The following IFT81 variants were observed in gnomAD, a reference collection of about 807,000 sequenced individuals.
IFT81 encodes intraflagellar transport protein 81 homolog.
Under a neutral mutation model 102.6 loss-of-function variants are expected in IFT81, and 72 were observed. The ratio of observed to expected loss-of-function variants is 0.70; its 90% CI spans 0.58 to 0.85. IFT81 has a LOEUF of 0.85. IFT81 is among the 40% of genes least tolerant of loss of function. The probability of loss-of-function intolerance (pLI) is 0.00; values close to 1 mark genes in which losing one functional copy is unlikely to be tolerated. For synonymous variants in IFT81, 237 were observed against 242.7 expected (o/e 0.98, Z 0.22); for missense variants, 723 against 787.3 (o/e 0.92, Z 0.98).
chr12:110,210,754 A>G (rs939504034), intron 18 of IFT81, among the ~76,000 whole-genome samples: 4 of 151,892 alleles, frequency 2.6e-5, no homozygotes, highest in African/African-American at 9.7e-5. Context: ...TCCTACCACT[A>G]TCATACCAAA....
intron 9 of IFT81, among the ~76,000 whole-genome samples, chr12:110,146,643 C>T (rs1009060854): frequency 6.6e-6 from 1 of 152,104 alleles, no homozygotes; most frequent in East Asian, 1.9e-4. Context: ...ATTAATGAAA[C>T]TGTTTTGCCC....
chr12:110,205,240 T>G lies in IFT81; in HGVS notation c.1645-203T>G, dbSNP rs1868463477. ...CAGAGTGAGACTCTGTCTCAAAAAA[T>G]ACAATTGAACTTGCAGGTTATAGAG... On this transcript the variant is annotated intron_variant, in intron 15 of 18. Coordinates refer to ENST00000242591, the MANE Select transcript of IFT81 (RefSeq NM_014055.4). The G allele has an allele frequency of 7.1e-6, 3 of 420,100 alleles. No individual in the cohort carries two copies. The South Asian group carries it at 1.2e-4, about 17-fold the overall frequency. 26.0% of individuals were successfully genotyped at this position (420,100 alleles called of 1,614,324 possible).
At chr12:110,127,154 G>A (rs770770878) in intron 1 of IFT81, among the ~76,000 whole-genome samples, 21 of 152,190 alleles carry the variant, frequency 1.4e-4, no homozygotes, top group Non-Finnish European at 1.9e-4. Flanking sequence ...AGCATTTGAT[G>A]TTAAAATTAA....
chr12:110,188,800 G>A (rs944820770), intron 12 of IFT81, among the ~76,000 whole-genome samples: 64 of 151,022 alleles, frequency 4.2e-4, no homozygotes, highest in Non-Finnish European at 7.7e-4. Flanking sequence ...ATAGTGGCAC[G>A]CGCCTGTAAT....
chr12:110,200,225 A>G (rs1008638368), intron 14 of IFT81, among the ~76,000 whole-genome samples: 1 of 152,222 alleles, frequency 6.6e-6, no homozygotes, highest in Admixed American at 6.5e-5. Context: ...GAGTGATTTC[A>G]TCATTGTGCA....
chr12:110,218,400 C>G lies in IFT81; in HGVS notation c.*174C>G. The stretch of plus-strand genomic sequence containing the variant: ...GGTAGATTTAGTTTGAATGTTTTTT[C>G]ATATGAAAAAGAGGCTTTTATTCTT... On this transcript the variant is annotated 3_prime_UTR_variant, in exon 19 of 19. Coordinates refer to ENST00000242591, the MANE Select transcript of IFT81 (RefSeq NM_014055.4). 2.1e-6 allele frequency: 1 copy of G among 471,468 alleles called. No individual in the cohort carries two copies. The highest frequency in any genetic ancestry group is 3.6e-6 in the Non-Finnish European group (1 of 277,116). 29.2% of individuals were successfully genotyped at this position (471,468 alleles called of 1,614,324 possible).
intron 11 of IFT81, among the ~76,000 whole-genome samples, chr12:110,179,710 A>G (rs1395062145): frequency 2.3e-5 from 3 of 128,804 alleles, no homozygotes; most frequent in South Asian, 5.1e-4. Flanking sequence ...AACAGAGCAA[A>G]CCCTATCTCG....
chr12:110,143,063 C>T (rs1278632732), intron 8 of IFT81, among the ~76,000 whole-genome samples: 1 of 151,954 alleles, frequency 6.6e-6, no homozygotes, highest in African/African-American at 2.4e-5. Flanking sequence ...AAATATGACC[C>T]AACAATGTAT....
intron 10 of IFT81, among the ~76,000 whole-genome samples, chr12:110,154,727 A>G (rs1245600299): frequency 6.6e-6 from 1 of 152,168 alleles, no homozygotes; most frequent in African/African-American, 2.4e-5. Context: ...GATGATTTCT[A>G]ACTTCATCCT....
intron 10 of IFT81, among the ~76,000 whole-genome samples, chr12:110,161,417 G>A (rs1896128614): frequency 6.6e-6 from 1 of 150,598 alleles, no homozygotes; most frequent in African/African-American, 2.4e-5. Context: ...CAAAGTGCTG[G>A]TATTACAGGC....
intron 12 of IFT81, among the ~76,000 whole-genome samples, chr12:110,187,318 C>T (rs562890422): frequency 6.6e-6 from 1 of 152,198 alleles, no homozygotes; most frequent in East Asian, 1.9e-4. Flanking sequence ...GGCTAGAGTG[C>T]AGTGATGTGA....
intron 14 of IFT81, among the ~76,000 whole-genome samples, chr12:110,195,353 C>T (rs1897954547): frequency 6.6e-6 from 1 of 151,732 alleles, no homozygotes; most frequent in South Asian, 2.1e-4. Flanking sequence ...ATTTCTTGTT[C>T]CTCCTCCCTT....
intron 18 of IFT81, among the ~76,000 whole-genome samples, chr12:110,217,557 G>A (rs888479418): frequency 6.6e-6 from 1 of 151,556 alleles, no homozygotes; most frequent in African/African-American, 2.4e-5. Flanking sequence ...TTGTTTGTTT[G>A]TTTTTGTTTT....
intron 10 of IFT81, among the ~76,000 whole-genome samples, chr12:110,149,641 CCTTGGAGTCAGGCCGCCGAGTGGCCTGA>C (rs1368203332): frequency 6.6e-6 from 1 of 152,206 alleles, no homozygotes; most frequent in African/African-American, 2.4e-5. Context: ...GATGGTTTTC[CCTTGGAGTCAGGCCGCCGAGTGGCCTGA>C]CTCTTCTTTG....
chr12:110,218,345 T>C lies in IFT81; in HGVS notation c.*119T>C. ...ATTTTGTTTTCAGAAGAGCCATTCT[T>C]TATTAAGTTTTCATAGAAAATAATG... On this transcript the variant is annotated 3_prime_UTR_variant, in exon 19 of 19. Coordinates refer to ENST00000242591, the MANE Select transcript of IFT81 (RefSeq NM_014055.4). 1 of 664,674 alleles carries C rather than the reference T, an allele frequency of 1.5e-6. No homozygotes were observed. The highest frequency in any genetic ancestry group is 2.4e-6 in the Non-Finnish European group (1 of 423,056). 41.2% of individuals were successfully genotyped at this position (664,674 alleles called of 1,614,324 possible). A position where few individuals can be genotyped will look rare whatever the true frequency, so the allele number is the denominator to read the frequency against.
At chr12:110,132,319 G>A (rs149760144) in intron 4 of IFT81, among the ~76,000 whole-genome samples, 194 of 149,682 alleles carry the variant, frequency 1.3e-3, no homozygotes, top group Non-Finnish European at 2.3e-3. Context: ...AATTAGCCGG[G>A]CGTGGTGGCG....
intron 11 of IFT81, chr12:110,171,859 G>A (rs1453706532): frequency 6.6e-6 from 1 of 152,068 alleles, no homozygotes; most frequent in East Asian, 1.9e-4. Context: ...AAAGACTGTG[G>A]GCTTTGTGTA....
At chr12:110,173,361 G>A (rs1348451060) in intron 11 of IFT81, among the ~76,000 whole-genome samples, 7 of 148,290 alleles carry the variant, frequency 4.7e-5, no homozygotes, top group African/African-American at 7.5e-5. Flanking sequence ...CCCCCCGCCC[G>A]GCCAGCCGCC....
intron 1 of IFT81, among the ~76,000 whole-genome samples, chr12:110,126,662 G>C (rs532490674): frequency 1.3e-5 from 2 of 152,310 alleles, no homozygotes; most frequent in African/African-American, 4.8e-5. Flanking sequence ...GGAAATCCAA[G>C]AAGTTTGAGC....
Sources: gnomAD v4.1 joint callset for allele counts (sites outside exome capture counted in the v4.1 genomes callset) on GRCh38, gnomAD v4.1.1 for gene constraint, MANE v1.5 for transcripts, NCBI Gene and HGNC (gene_info 2026-07-23, HGNC 2026-07-21) for gene names.